Variants in MC2R observed in about 807,000 individuals in gnomAD.
MC2R encodes the protein melanocortin 2 receptor.
Under a neutral mutation model 9.8 loss-of-function variants are expected in MC2R, and 9 were observed. The observed-to-expected ratio is 0.92, with a 90% CI of 0.55 to 1.60. The LOEUF (loss-of-function observed/expected upper bound fraction) is 1.60. Among genes scored for constraint, MC2R ranks in the 40% most tolerant of loss-of-function variants. MC2R has a pLI of 0.00. For synonymous variants in MC2R, 185 were observed against 154.7 expected (o/e 1.20, Z -1.45); for missense variants, 370 against 389.0 (o/e 0.95, Z 0.41).
chr18:13,885,340 T>A lies in MC2R; in HGVS notation c.179A>T (p.Tyr60Phe). The A allele has an allele frequency of 6.2e-7, 1 of 1,614,166 alleles. No individual in the cohort carries two copies. Among genetic ancestry groups the A allele is most frequent in the African/African-American group, 1.3e-5 (1 of 75,046 alleles). Residue 60 changes from tyrosine (Y) to phenylalanine (F), a missense_variant, in exon 2 of 2, where the codon TAC becomes TTC. Coordinates refer to ENST00000327606, the MANE Select transcript of MC2R (RefSeq NM_000529.2). ...TATGGCCAAGCTACAGATGAAAAAG[T>A]ACATGGGTGCCTGGAGATTCTTATT... ...FKNKNLQAPM[Y>F]FFICSLAISD...
At chr18:13,906,281 G>A (rs1013960297) in intron 1 of MC2R, among the ~76,000 whole-genome samples, 1 of 152,180 alleles carries the variant, frequency 6.6e-6, no homozygotes, top group Non-Finnish European at 1.5e-5. Context: ...CCTTTGCAGG[G>A]ACATGGATAA....
Position 13,908,706 on chromosome 18 carries a change from TTGTG to T in MC2R, c.-129+6778_-129+6781del, listed in dbSNP as rs57512236. ...TGCAGTTCAACGGTGCAGGAGCTTC[TTGTG>T]TGTGTGTGTGTGTGTGTGTGTGTGT... is the stretch of plus-strand genomic sequence containing the variant. On this transcript the variant is annotated intron_variant, in intron 1 of 1. Coordinates refer to ENST00000327606, the MANE Select transcript of MC2R (RefSeq NM_000529.2). Among the ~76,000 whole-genome samples, 277 of 142,508 alleles carry T rather than the reference TTGTG, an allele frequency of 1.9e-3. 1 individual carries two copies. The highest frequency in any genetic ancestry group is 2.5e-3 in the Non-Finnish European group (165 of 66,144). 93.5% of individuals were successfully genotyped at this position (142,508 alleles called of 152,430 possible).
chr18:13,887,596 C>T (rs2045285002), intron 1 of MC2R, among the ~76,000 whole-genome samples: 1 of 152,162 alleles, frequency 6.6e-6, no homozygotes, highest in Non-Finnish European at 1.5e-5. Flanking sequence ...GGGTGAGATG[C>T]ACATTTGAAC....
chr18:13,914,059 G>A (rs1427669494), intron 1 of MC2R, among the ~76,000 whole-genome samples: 1 of 141,896 alleles, frequency 7.0e-6, no homozygotes, highest in Non-Finnish European at 1.5e-5. Context: ...TAAAGAATAG[G>A]ATTTTTTTTT....
At chr18:13,911,098 A>G (rs2045441359) in intron 1 of MC2R, among the ~76,000 whole-genome samples, 1 of 152,218 alleles carries the variant, frequency 6.6e-6, no homozygotes, top group Non-Finnish European at 1.5e-5. Flanking sequence ...GAGAGTGCGA[A>G]GCAGCAAAAC....
chr18:13,914,105 A>C (rs1352535312), intron 1 of MC2R, among the ~76,000 whole-genome samples: 1 of 151,208 alleles, frequency 6.6e-6, no homozygotes, highest in Non-Finnish European at 1.5e-5. Flanking sequence ...TGAGGCAGTG[A>C]GAGGGCAATT....
chr18:13,912,304 A>T (rs898881790), intron 1 of MC2R, among the ~76,000 whole-genome samples: 1 of 152,186 alleles, frequency 6.6e-6, no homozygotes, highest in Non-Finnish European at 1.5e-5. Context: ...CCTATATTAT[A>T]GATAAGAAAA....
intron 1 of MC2R, among the ~76,000 whole-genome samples, chr18:13,912,215 C>G (rs2045448723): frequency 6.6e-6 from 1 of 152,144 alleles, no homozygotes; most frequent in African/African-American, 2.4e-5. Context: ...AGGTTGGAGA[C>G]AGGGCAGAGT....
intron 1 of MC2R, among the ~76,000 whole-genome samples, 181 bp downstream of exon 1, chr18:13,915,307 T>C (rs1043577678): frequency 2.6e-5 from 4 of 152,228 alleles, no homozygotes; most frequent in Non-Finnish European, 5.9e-5. Context: ...ATAGCCTTCA[T>C]TGTAGTAGTT....
At chr18:13,905,449 A>G (rs552062339) in intron 1 of MC2R, among the ~76,000 whole-genome samples, 3 of 151,374 alleles carry the variant, frequency 2.0e-5, no homozygotes, top group Non-Finnish European at 4.4e-5. Context: ...TCGTGCCACT[A>G]CACTCCAGCT....
chr18:13,888,238 C>T (rs916842606), intron 1 of MC2R, among the ~76,000 whole-genome samples: 4 of 152,116 alleles, frequency 2.6e-5, no homozygotes, highest in African/African-American at 9.7e-5. Context: ...CATGGGGAGC[C>T]CTGAATTTGG....
At chr18:13,904,087 A>G (rs1003709334) in intron 1 of MC2R, among the ~76,000 whole-genome samples, 31 of 152,068 alleles carry the variant, frequency 2.0e-4, no homozygotes, top group African/African-American at 7.5e-4. Flanking sequence ...TTTAAAAATC[A>G]TAATAGGCCA....
At chr18:13,887,179 G>A (rs879670647) in intron 1 of MC2R, among the ~76,000 whole-genome samples, 2 of 135,962 alleles carry the variant, frequency 1.5e-5, no homozygotes, top group Non-Finnish European at 3.4e-5. Context: ...GGATGGGAGG[G>A]GAAGCCTGTG....
intron 1 of MC2R, among the ~76,000 whole-genome samples, chr18:13,900,209 A>T (rs1005653594): frequency 6.6e-6 from 1 of 152,110 alleles, no homozygotes; most frequent in African/African-American, 2.4e-5. Flanking sequence ...ATGGGTTATA[A>T]GATAGTATTT....
chr18:13,885,606 G>T lies in MC2R; in HGVS notation c.-88C>A. On this transcript the variant is annotated 5_prime_UTR_variant, in exon 2 of 2. Coordinates refer to ENST00000327606, the MANE Select transcript of MC2R (RefSeq NM_000529.2). ...GATTCTTCAGGATCTTTTCTTCCTTGTAGCACTTGCTGGAGATCTAAGTTA... is the reference window on the plus strand; with the variant it reads ...GATTCTTCAGGATCTTTTCTTCCTTTTAGCACTTGCTGGAGATCTAAGTTA... The T allele has an allele frequency of 7.0e-7, 1 of 1,433,642 alleles. No individual in the cohort carries two copies. The highest frequency in any genetic ancestry group is 9.7e-7 in the Non-Finnish European group (1 of 1,025,830). The allele number at this position is 1,433,642 out of a possible 1,614,324, so 88.8% of individuals were successfully genotyped here.
At chr18:13,908,229 G>A (rs949311615) in intron 1 of MC2R, among the ~76,000 whole-genome samples, 1 of 152,164 alleles carries the variant, frequency 6.6e-6, no homozygotes, top group Non-Finnish European at 1.5e-5. Flanking sequence ...GCAGAAACAT[G>A]AGTGGAACTG....
In MC2R at chr18:13,902,169, T is replaced by C. The variant is rs891303317; in HGVS notation, c.-129+13319A>G. Among the ~76,000 whole-genome samples, 5 of 152,242 alleles carry C rather than the reference T, an allele frequency of 3.3e-5. No individual in the cohort carries two copies. The East Asian group carries it at 7.7e-4, about 23-fold the overall frequency. On this transcript the variant is annotated intron_variant, in intron 1 of 1. Transcript: ENST00000327606. ...AAAAACCATATGATAATTTCAATGA[T>C]GCTGAAAAAGCGTTTGGTAAAATCC...
At position 13,901,380 on chromosome 18, in the gene MC2R, G is replaced by T. The variant is rs141856930; in HGVS notation, c.-129+14108C>A. ...CAAACCAAAAAGTAGTAAGAGAAAA[G>T]AAATAATAAAGATTAGAGCAGAAAT... On this transcript the variant is annotated intron_variant, in intron 1 of 1. Coordinates refer to ENST00000327606, the MANE Select transcript of MC2R (RefSeq NM_000529.2). Among the ~76,000 whole-genome samples, 444 of 151,760 alleles carry T rather than the reference G, an allele frequency of 2.9e-3. 2 individuals carry two copies. The highest frequency in any genetic ancestry group is 4.0e-3 in the Non-Finnish European group (268 of 67,828).
At chr18:13,902,359 C>A (rs532930025) in intron 1 of MC2R, among the ~76,000 whole-genome samples, 1 of 152,108 alleles carries the variant, frequency 6.6e-6, no homozygotes, top group East Asian at 1.9e-4. Context: ...TTATATGGAA[C>A]CACAAGAGAC....
Sources: allele counts gnomAD v4.1 joint callset (sites outside exome capture counted in the v4.1 genomes callset), GRCh38; gene constraint gnomAD v4.1.1; transcripts MANE v1.5; gene names NCBI Gene and HGNC (gene_info 2026-07-23, HGNC 2026-07-21).